FARP1: variants seen among roughly 807,000 people sequenced by gnomAD.
FARP1 encodes the protein FERM, ARH/RhoGEF and pleckstrin domain protein 1.
FARP1 carries 52 observed loss-of-function variants against 128.8 expected under a neutral mutation model. The ratio of observed to expected loss-of-function variants is 0.40; its 90% CI spans 0.32 to 0.51. The LOEUF (loss-of-function observed/expected upper bound fraction) is 0.51, where lower values mean the gene tolerates loss of function less well. Among genes scored for constraint, FARP1 ranks in the 20% least tolerant of loss-of-function variants. FARP1 has a pLI of 0.45. For missense variants in FARP1, 1,333 were observed against 1,367.9 expected (o/e 0.97, Z 0.40); for synonymous variants, 580 against 551.8 (o/e 1.05, Z -0.72).
At chr13:98,345,844 GA>G (rs1888156801) in intron 3 of FARP1, among the ~76,000 whole-genome samples, 6 of 152,184 alleles carry the variant, frequency 3.9e-5, no homozygotes, top group Admixed American at 3.9e-4. Flanking sequence ...GATAATATGT[GA>G]ATGAATACAT....
intron 2 of FARP1, among the ~76,000 whole-genome samples, chr13:98,316,726 T>C (rs1336750569): frequency 6.6e-6 from 1 of 152,226 alleles, no homozygotes; most frequent in Non-Finnish European, 1.5e-5. Flanking sequence ...GATTCCGTCA[T>C]GGGGAGATTT....
chr13:98,428,199 C>T (rs1891859845), intron 17 of FARP1, among the ~76,000 whole-genome samples: 1 of 152,122 alleles, frequency 6.6e-6, no homozygotes, highest in Admixed American at 6.5e-5. Flanking sequence ...GAGTCAGAGA[C>T]ACCCAAATCA....
At chr13:98,432,757 G>T (rs1410746410) in intron 18 of FARP1, 2 of 148,192 alleles carry the variant, frequency 1.3e-5, no homozygotes, top group Non-Finnish European at 3.0e-5. Flanking sequence ...CCCCAGCTGC[G>T]CAGCGAGCAC....
At chr13:98,305,614 G>A (rs771790619) in intron 2 of FARP1, among the ~76,000 whole-genome samples, 2 of 152,288 alleles carry the variant, frequency 1.3e-5, no homozygotes, top group South Asian at 4.1e-4. Context: ...AATTACAGGC[G>A]TGAGCCACCA....
At position 98,344,487 on chromosome 13, in the gene FARP1, TGAG is replaced by T. The variant is rs1445021826; in HGVS notation, c.276+626_276+628del. Reference sequence around the variant, plus strand: ...GGTGAAGATGAGTCCCATTCCAGCTTGAGGAGGCAGGGGCATCCGTGGCATTCA... The same window carrying T: ...GGTGAAGATGAGTCCCATTCCAGCTTGAGGCAGGGGCATCCGTGGCATTCA... On this transcript the variant is annotated intron_variant, in intron 3 of 26. Coordinates refer to ENST00000319562, the MANE Select transcript of FARP1 (RefSeq NM_005766.4). Among the ~76,000 whole-genome samples the T allele has an allele frequency of 1.1e-3, 171 of 151,990 alleles. 2 individuals are homozygous for T. Among genetic ancestry groups the T allele is most frequent in the Non-Finnish European group, 1.0e-4 (7 of 67,984 alleles).
At chr13:98,186,133 G>T (rs186988651) in intron 1 of FARP1, among the ~76,000 whole-genome samples, 1 of 151,474 alleles carries the variant, frequency 6.6e-6, no homozygotes, top group African/African-American at 2.4e-5. Context: ...ACGGAGTTTC[G>T]CTCTTGTTGC....
At chr13:98,352,492 C>T (rs1357257378) in intron 3 of FARP1, among the ~76,000 whole-genome samples, 1 of 152,108 alleles carries the variant, frequency 6.6e-6, no homozygotes, top group African/African-American at 2.4e-5. Context: ...AAGGGGAGGG[C>T]AATCGAGCCA....
At chr13:98,185,093 A>G (rs1175797022) in intron 1 of FARP1, among the ~76,000 whole-genome samples, 2 of 152,204 alleles carry the variant, frequency 1.3e-5, no homozygotes, top group African/African-American at 2.4e-5. Flanking sequence ...AGGCAAAATA[A>G]CCTCACAATC....
At chr13:98,402,086 C>T (rs1335275768) in intron 13 of FARP1, 2 of 152,162 alleles carry the variant, frequency 1.3e-5, no homozygotes, top group Non-Finnish European at 2.9e-5. Context: ...ATCTGATCTC[C>T]ATGAGTAGTT....
chr13:98,404,513 G>A (rs1890903342), intron 13 of FARP1: 1 of 152,178 alleles, frequency 6.6e-6, no homozygotes. Context: ...TTTCAAATGG[G>A]ATAATCTCAA....
intron 14 of FARP1, among the ~76,000 whole-genome samples, chr13:98,409,996 C>G (rs1891129630): frequency 1.3e-5 from 2 of 152,198 alleles, no homozygotes; most frequent in African/African-American, 2.4e-5. Context: ...GTTATCCATT[C>G]TTCTGTTAAT....
intron 1 of FARP1, among the ~76,000 whole-genome samples, chr13:98,207,623 T>G (rs1345061759): frequency 6.8e-6 from 1 of 146,412 alleles, no homozygotes; most frequent in Non-Finnish European, 1.5e-5. Flanking sequence ...TAGCCCAGTG[T>G]GAATTACCGT....
At chr13:98,268,188 A>G (rs1347949748) in intron 2 of FARP1, among the ~76,000 whole-genome samples, 1 of 152,180 alleles carries the variant, frequency 6.6e-6, no homozygotes, top group Non-Finnish European at 1.5e-5. Flanking sequence ...ATGAAATTTT[A>G]TTGACTAAAG....
At chr13:98,420,326 G>C (rs193297159) in intron 16 of FARP1, among the ~76,000 whole-genome samples, 2 of 152,258 alleles carry the variant, frequency 1.3e-5, no homozygotes, top group African/African-American at 2.4e-5. Flanking sequence ...CTCTTAGGGG[G>C]GTGATGGGCA....
At chr13:98,288,487 G>A (rs1885299505) in intron 2 of FARP1, among the ~76,000 whole-genome samples, 1 of 152,150 alleles carries the variant, frequency 6.6e-6, no homozygotes, top group Non-Finnish European at 1.5e-5. Flanking sequence ...AGTCTTTCCT[G>A]CTTTCTTATT....
intron 2 of FARP1, among the ~76,000 whole-genome samples, chr13:98,315,350 C>T (rs557724946): frequency 6.6e-6 from 1 of 152,230 alleles, no homozygotes; most frequent in Admixed American, 6.5e-5. Flanking sequence ...AAGCAATGCC[C>T]CGCCTCTGCC....
chr13:98,437,617 G>A (rs11838616), intron 19 of FARP1: 6,966 of 567,516 alleles, frequency 0.012, 180 homozygotes, highest in East Asian at 0.091. Context: ...ACTCACTTGC[G>A]TTTTTCTATC....
chr13:98,325,218 A>G (rs1248920897), intron 2 of FARP1, among the ~76,000 whole-genome samples: 2 of 152,006 alleles, frequency 1.3e-5, no homozygotes, highest in African/African-American at 4.8e-5. Flanking sequence ...TCAACAGCCT[A>G]TCTTTCCATG....
chr13:98,289,412 G>A (rs1026176019), intron 2 of FARP1, among the ~76,000 whole-genome samples: 1 of 152,120 alleles, frequency 6.6e-6, no homozygotes, highest in Non-Finnish European at 1.5e-5. Context: ...ATGAATGGCC[G>A]TAATACTTAA....
Sources: allele counts gnomAD v4.1 joint callset (sites outside exome capture counted in the v4.1 genomes callset), GRCh38; gene constraint gnomAD v4.1.1; transcripts MANE v1.5; gene names NCBI Gene and HGNC (gene_info 2026-07-23, HGNC 2026-07-21).